The following CA1 variants were observed in gnomAD, a reference collection of about 807,000 sequenced individuals.
The protein encoded by CA1 is carbonic anhydrase 1.
Under a neutral mutation model 28.8 loss-of-function variants are expected in CA1, and 27 were observed. The ratio of observed to expected loss-of-function variants is 0.94; its 90% CI spans 0.69 to 1.29. CA1 has a LOEUF of 1.29. Ranked by LOEUF, CA1 falls within the 50% of genes most tolerant of loss-of-function variation. The probability of loss-of-function intolerance (pLI) is 0.00; values close to 1 mark genes in which losing one functional copy is unlikely to be tolerated. For synonymous variants in CA1, 121 were observed against 108.8 expected (o/e 1.11, Z -0.70); for missense variants, 335 against 310.5 (o/e 1.08, Z -0.59).
intron 1 of CA1, among the ~76,000 whole-genome samples, chr8:85,350,767 T>C (rs901081444): frequency 1.3e-5 from 2 of 152,144 alleles, no homozygotes; most frequent in African/African-American, 4.8e-5. Context: ...CTTATGGGCC[T>C]TATAGGCTAA....
chr8:85,374,437 C>T (rs1810336640), intron 1 of CA1, among the ~76,000 whole-genome samples: 1 of 152,150 alleles, frequency 6.6e-6, no homozygotes, highest in South Asian at 2.1e-4. Flanking sequence ...AAACTTCACA[C>T]ACATTTGAAG....
At chr8:85,333,948 A>C (rs1808527387) in intron 4 of CA1, among the ~76,000 whole-genome samples, 1 of 152,184 alleles carries the variant, frequency 6.6e-6, no homozygotes, top group Admixed American at 6.5e-5. Flanking sequence ...AAAATAATTG[A>C]AGTAATTTTC....
intron 1 of CA1, among the ~76,000 whole-genome samples, chr8:85,377,357 T>G (rs1239727515): frequency 6.6e-6 from 1 of 152,184 alleles, no homozygotes; most frequent in Non-Finnish European, 1.5e-5. Context: ...GTGTCAGGCA[T>G]TTGAAATGCT....
chr8:85,333,542 T>TAA lies in CA1; in HGVS notation c.431_432dup (p.Ile145LeufsTer5). ...TAACTCACCTTCATCAAAACACCAA[T>TAA]AACTGCCAAACCATCAGCCTTTGAG... On this transcript the variant is annotated frameshift_variant, in exon 5 of 8. Coordinates refer to ENST00000523022, the MANE Select transcript of CA1 (RefSeq NM_001128831.4). LOFTEE classifies it high-confidence loss of function. 2 of 1,611,092 alleles carry TAA rather than the reference T, an allele frequency of 1.2e-6. No homozygotes were observed. Among genetic ancestry groups the TAA allele is most frequent in the Non-Finnish European group, 1.7e-6 (2 of 1,177,574 alleles).
intron 1 of CA1, chr8:85,341,879 G>A (rs913620685): frequency 9.6e-6 from 4 of 418,082 alleles, no homozygotes; most frequent in African/African-American, 8.1e-5. Context: ...TTCTTATATT[G>A]TAAAAGAGAA....
At chr8:85,373,250 C>G (rs563908735) in intron 1 of CA1, among the ~76,000 whole-genome samples, 40 of 152,300 alleles carry the variant, frequency 2.6e-4, no homozygotes, top group African/African-American at 9.4e-4. Context: ...GAATAGAAAA[C>G]ATGTTTTGAT....
intron 6 of CA1, among the ~76,000 whole-genome samples, chr8:85,331,590 A>G (rs1309394267): frequency 6.6e-6 from 1 of 151,856 alleles, no homozygotes; most frequent in Non-Finnish European, 1.5e-5. Context: ...CTGATTAGCT[A>G]GGACTACATG....
intron 1 of CA1, among the ~76,000 whole-genome samples, chr8:85,344,957 G>T (rs562473490): frequency 1.3e-5 from 2 of 152,236 alleles, no homozygotes; most frequent in Admixed American, 6.5e-5. Flanking sequence ...TAAATTCCCT[G>T]CCCCTCTAGA....
chr8:85,333,706 G>A, intron 4 of CA1, 86 bp from the exon 5 acceptor site: 1 of 851,514 alleles, frequency 1.2e-6, no homozygotes, highest in South Asian at 1.4e-5. Context: ...ACCATATGAT[G>A]ATGTATCTTG....
At chr8:85,350,811 G>A (rs564737386) in intron 1 of CA1, among the ~76,000 whole-genome samples, 1 of 152,264 alleles carries the variant, frequency 6.6e-6, no homozygotes, top group East Asian at 1.9e-4. Flanking sequence ...GCTTATGAAT[G>A]TGGACTTCTT....
intron 7 of CA1, 64 bp from the exon 8 acceptor site, chr8:85,328,740 A>G (rs1808277376): frequency 2.0e-6 from 2 of 983,918 alleles, no homozygotes; most frequent in East Asian, 2.6e-5. Flanking sequence ...TTTTATTTAC[A>G]GGATTACTAA....
rs150098655 is a variant in CA1 at position 85,354,010 on chromosome 8, T to G, written c.-24-12351A>C. Among the ~76,000 whole-genome samples the G allele has an allele frequency of 7.7e-3, 1,177 of 152,226 alleles. 16 individuals are homozygous for G. Among genetic ancestry groups the G allele is most frequent in the African/African-American group, 0.027 (1,103 of 41,538 alleles). On this transcript the variant is annotated intron_variant, in intron 1 of 7. Coordinates refer to ENST00000523022, the MANE Select transcript of CA1 (RefSeq NM_001128831.4). ...GACAGAGTCTCACTGTCACCCATGCTGGAGTGCAGTGATGTGGATCTCGGC... is the reference window on the plus strand; with the variant it reads ...GACAGAGTCTCACTGTCACCCATGCGGGAGTGCAGTGATGTGGATCTCGGC...
At chr8:85,331,795 A>G (rs1808418051) in intron 6 of CA1, among the ~76,000 whole-genome samples, 1 of 151,952 alleles carries the variant, frequency 6.6e-6, no homozygotes, top group Non-Finnish European at 1.5e-5. Context: ...TTCTGCTTTT[A>G]TCTTCACTAA....
At chr8:85,356,173 T>C (rs1809600147) in intron 1 of CA1, among the ~76,000 whole-genome samples, 1 of 152,158 alleles carries the variant, frequency 6.6e-6, no homozygotes, top group Non-Finnish European at 1.5e-5. Flanking sequence ...AAGAATAAAA[T>C]ACCAAAAAGA....
At chr8:85,342,549 C>T (rs892011530) in intron 1 of CA1, among the ~76,000 whole-genome samples, 1 of 152,128 alleles carries the variant, frequency 6.6e-6, no homozygotes, top group Non-Finnish European at 1.5e-5. Flanking sequence ...ACTAATTCCC[C>T]TCCTATGCTC....
At chr8:85,361,049 A>G (rs574686706) in intron 1 of CA1, among the ~76,000 whole-genome samples, 1 of 151,918 alleles carries the variant, frequency 6.6e-6, no homozygotes, top group Admixed American at 6.6e-5. Context: ...ACAAAGCAAA[A>G]CTCCCCAAAA....
chr8:85,353,161 G>A lies in CA1; in HGVS notation c.-24-11502C>T, dbSNP rs1205114117. ...AGAAAAGTGAAAGCAAGAAGAACAT[G>A]AGCCATTAATCTTGTGCCACACTAA... is the stretch of plus-strand genomic sequence containing the variant. On this transcript the variant is annotated intron_variant, in intron 1 of 7. Coordinates refer to ENST00000523022, the MANE Select transcript of CA1 (RefSeq NM_001128831.4). Among the ~76,000 whole-genome samples the A allele has an allele frequency of 4.6e-5, 7 of 152,204 alleles. No individual in the cohort carries two copies. The East Asian group carries it at 1.2e-3, about 25-fold the overall frequency.
intron 1 of CA1, among the ~76,000 whole-genome samples, chr8:85,350,362 T>C (rs894559127): frequency 3.9e-5 from 6 of 152,186 alleles, no homozygotes; most frequent in African/African-American, 1.4e-4. Flanking sequence ...TTTTCAAGTG[T>C]GACTTGAAAG....
intron 1 of CA1, chr8:85,350,005 C>A (rs1043224090): frequency 2.0e-5 from 3 of 152,310 alleles, no homozygotes; most frequent in African/African-American, 7.2e-5. Flanking sequence ...GGAAATCCTT[C>A]CTGATCCTGT....
Sources: allele counts gnomAD v4.1 joint callset (sites outside exome capture counted in the v4.1 genomes callset), GRCh38; gene constraint gnomAD v4.1.1; transcripts MANE v1.5; gene names NCBI Gene and HGNC (gene_info 2026-07-23, HGNC 2026-07-21).